Variants in COMMD10 observed in about 807,000 individuals in gnomAD.
The protein encoded by COMMD10 is COMM domain containing 10, also known as COMM domain-containing protein 10.
Under a neutral mutation model 28.9 loss-of-function variants are expected in COMMD10, and 33 were observed. The ratio of observed to expected loss-of-function variants is 1.14; its 90% CI spans 0.87 to 1.53. The LOEUF (loss-of-function observed/expected upper bound fraction) is 1.53, where lower values mean the gene tolerates loss of function less well. Ranked by LOEUF, COMMD10 falls within the 40% of genes most tolerant of loss-of-function variation. COMMD10 has a pLI of 0.00. For synonymous variants in COMMD10, 110 were observed against 81.7 expected (o/e 1.35, Z -1.87); for missense variants, 310 against 233.4 (o/e 1.33, Z -2.14).
At chr5:116,169,339 A>G (rs1753241465) in intron 5 of COMMD10, among the ~76,000 whole-genome samples, 1 of 152,214 alleles carries the variant, frequency 6.6e-6, no homozygotes, top group Non-Finnish European at 1.5e-5. Flanking sequence ...AAGTTCTGAA[A>G]TTGAGTCAAT....
rs1322535997 is a variant in COMMD10 at position 116,174,184 on chromosome 5, A to G, written c.510+40006A>G. Among the ~76,000 whole-genome samples the G allele has an allele frequency of 2.6e-5, 4 of 152,126 alleles. 1 individual carries two copies. The highest frequency in any genetic ancestry group is 5.9e-5 in the Non-Finnish European group (4 of 68,006). ...ATACCTAACTGGATACCTGAAAAAG[A>G]TGTGCATGTCTTAAGGAAAAACAAT... On this transcript the variant is annotated intron_variant, in intron 5 of 6. Coordinates refer to ENST00000274458, the MANE Select transcript of COMMD10 (RefSeq NM_016144.4).
chr5:116,250,067 C>T (rs1036865788), intron 5 of COMMD10, among the ~76,000 whole-genome samples: 2 of 151,726 alleles, frequency 1.3e-5, no homozygotes, highest in Non-Finnish European at 2.9e-5. Context: ...CCATGTATTA[C>T]CATAGTTGAT....
chr5:116,273,605 T>C (rs1472309205), intron 5 of COMMD10, among the ~76,000 whole-genome samples: 1 of 151,860 alleles, frequency 6.6e-6, no homozygotes. Flanking sequence ...GTAGCCTGTC[T>C]AAACATTAAC....
intron 5 of COMMD10, among the ~76,000 whole-genome samples, chr5:116,193,879 A>G (rs536861273): frequency 6.6e-6 from 1 of 152,288 alleles, no homozygotes; most frequent in Admixed American, 6.5e-5. Context: ...TCAACAGTGC[A>G]TGCAACTTTT....
intron 5 of COMMD10, among the ~76,000 whole-genome samples, chr5:116,237,368 T>G (rs1749694891): frequency 6.6e-6 from 1 of 152,174 alleles, no homozygotes; most frequent in Admixed American, 6.5e-5. Flanking sequence ...TATATTTGAG[T>G]ATTTTTCTCT....
At chr5:116,232,384 A>G (rs780459963) in intron 5 of COMMD10, among the ~76,000 whole-genome samples, 6 of 152,090 alleles carry the variant, frequency 3.9e-5, no homozygotes, top group Non-Finnish European at 7.4e-5. Context: ...TATCAAAATC[A>G]TGATTAAAAT....
Position 116,116,273 on chromosome 5 carries a change from A to G in COMMD10, c.400-17795A>G, listed in dbSNP as rs1026252065. Among the ~76,000 whole-genome samples the G allele has an allele frequency of 2.6e-5, 4 of 152,302 alleles. No homozygotes were observed. In the East Asian group the frequency reaches 5.8e-4, roughly 22 times the overall value. ...CCTATCTTTTATATGGAGTATAAGA[A>G]ATTATAAATTGTTACTTTAAAAACT... On this transcript the variant is annotated intron_variant, in intron 4 of 6. Coordinates refer to ENST00000274458, the MANE Select transcript of COMMD10 (RefSeq NM_016144.4).
chr5:116,270,991 A>G (rs1371296389), intron 5 of COMMD10, among the ~76,000 whole-genome samples: 3 of 151,646 alleles, frequency 2.0e-5, no homozygotes, highest in South Asian at 2.1e-4. Context: ...CCATTTAACA[A>G]TCTCAGTATA....
chr5:116,094,534 G>A (rs954548121), intron 4 of COMMD10, among the ~76,000 whole-genome samples: 34 of 152,160 alleles, frequency 2.2e-4, no homozygotes, highest in African/African-American at 8.2e-4. Flanking sequence ...TGCAGGTGAG[G>A]ATGTGGAGAA....
intron 5 of COMMD10, among the ~76,000 whole-genome samples, chr5:116,238,071 A>G (rs1413256170): frequency 6.6e-6 from 1 of 152,224 alleles, no homozygotes; most frequent in Non-Finnish European, 1.5e-5. Context: ...ACAAAAAACA[A>G]GGTCTGAAAA....
intron 5 of COMMD10, among the ~76,000 whole-genome samples, chr5:116,135,063 A>G (rs1751986762): frequency 6.6e-6 from 1 of 152,196 alleles, no homozygotes; most frequent in African/African-American, 2.4e-5. Flanking sequence ...AGATATGATA[A>G]GAGCTTTTTA....
chr5:116,276,097 AG>A (rs2112702725), intron 5 of COMMD10, among the ~76,000 whole-genome samples: 1 of 151,386 alleles, frequency 6.6e-6, no homozygotes, highest in East Asian at 1.9e-4. Context: ...GCAGGTGGAT[AG>A]GAGGGGGAGA....
At chr5:116,206,913 T>C (rs1748827844) in intron 5 of COMMD10, among the ~76,000 whole-genome samples, 1 of 152,132 alleles carries the variant, frequency 6.6e-6, no homozygotes, top group Non-Finnish European at 1.5e-5. Flanking sequence ...CAACAGCTCT[T>C]CTCTCTCCAT....
intron 2 of COMMD10, 100 bp downstream of exon 2, chr5:116,087,687 T>G: frequency 1.3e-6 from 1 of 783,220 alleles, no homozygotes; most frequent in Non-Finnish European, 2.2e-6. Flanking sequence ...TGTTCTCCAA[T>G]ATGTTCTTAG....
rs185616369 is a variant in COMMD10, at chr5:116,183,236, G to A, written c.510+49058G>A. Among the ~76,000 whole-genome samples, 1,223 of 152,136 alleles carry A rather than the reference G, an allele frequency of 8.0e-3. 21 individuals carry two copies. The highest frequency in any genetic ancestry group is 0.028 in the African/African-American group (1,147 of 41,490). On this transcript the variant is annotated intron_variant, in intron 5 of 6. Coordinates refer to ENST00000274458, the MANE Select transcript of COMMD10 (RefSeq NM_016144.4). ...CATTATATTGAGTTAGTCAAAATATGAAATGTTAATATTTATAGGGGAGAC... is the reference window on the plus strand; with the variant it reads ...CATTATATTGAGTTAGTCAAAATATAAAATGTTAATATTTATAGGGGAGAC...
At chr5:116,163,235 T>A (rs1752976198) in intron 5 of COMMD10, among the ~76,000 whole-genome samples, 1 of 143,074 alleles carries the variant, frequency 7.0e-6, no homozygotes, top group South Asian at 2.1e-4. Flanking sequence ...AAAGCATCTT[T>A]GTAATTAAAA....
At chr5:116,217,423 C>G (rs1019224628) in intron 5 of COMMD10, among the ~76,000 whole-genome samples, 1 of 152,212 alleles carries the variant, frequency 6.6e-6, no homozygotes. Context: ...TGAGGGTTGA[C>G]ATGTCACATT....
At chr5:116,173,523 A>G (rs1354599260) in intron 5 of COMMD10, among the ~76,000 whole-genome samples, 1 of 152,186 alleles carries the variant, frequency 6.6e-6, no homozygotes, top group Non-Finnish European at 1.5e-5. Context: ...ATTTTCAGCC[A>G]TCACATTATG....
chr5:116,142,113 T>C (rs1284810861), intron 5 of COMMD10, among the ~76,000 whole-genome samples: 1 of 151,886 alleles, frequency 6.6e-6, no homozygotes, highest in Non-Finnish European at 1.5e-5. Context: ...TTATTTTATT[T>C]AGTGTTTATT....
Sources: gnomAD v4.1 joint callset for allele counts (sites outside exome capture counted in the v4.1 genomes callset) on GRCh38, gnomAD v4.1.1 for gene constraint, MANE v1.5 for transcripts, NCBI Gene and HGNC (gene_info 2026-07-23, HGNC 2026-07-21) for gene names.